The following IGSF5 variants were observed in gnomAD, a reference collection of about 807,000 sequenced individuals.
IGSF5 encodes the protein immunoglobulin superfamily 5 like.
In IGSF5, 41 loss-of-function variants were observed where a neutral mutation model predicts 39.4. The ratio of observed to expected loss-of-function variants is 1.04; its 90% CI spans 0.81 to 1.35. IGSF5 has a LOEUF of 1.35. Ranked by LOEUF, IGSF5 falls within the 40% of genes most tolerant of loss-of-function variation. The probability of loss-of-function intolerance (pLI) is 0.00; values close to 1 mark genes in which losing one functional copy is unlikely to be tolerated. For synonymous variants in IGSF5, 183 were observed against 175.3 expected, an observed-to-expected ratio of 1.04 and a Z score of -0.34; for missense variants, 487 against 494.6, an observed-to-expected ratio of 0.98 and a Z score of 0.15.
chr21:39,731,582 G>A, the IGSF5 span, among the ~76,000 whole-genome samples: 1 of 152,222 alleles, frequency 6.6e-6, no homozygotes. Context: ...TTTGAAGCAG[G>A]AGGAGAATAG....
the IGSF5 span, among the ~76,000 whole-genome samples, chr21:39,726,965 C>G: frequency 2.0e-5 from 3 of 152,206 alleles, no homozygotes; most frequent in African/African-American, 7.2e-5. Context: ...GATGGCTCAG[C>G]AAAGTTGCCA....
intron 2 of IGSF5, among the ~76,000 whole-genome samples, chr21:39,764,409 C>T (rs1000110382): frequency 1.1e-4 from 17 of 152,130 alleles, no homozygotes; most frequent in Non-Finnish European, 4.4e-5. Context: ...GGCGTGATCT[C>T]GGCTCACTGC....
chr21:39,794,320 T>C (rs1210341107), intron 8 of IGSF5, among the ~76,000 whole-genome samples: 1 of 152,196 alleles, frequency 6.6e-6, no homozygotes, highest in African/African-American at 2.4e-5. Context: ...CTCTGTTAGA[T>C]GTCCACATGG....
chr21:39,730,314 T>C, the IGSF5 span: 1 of 152,268 alleles, frequency 6.6e-6, no homozygotes, highest in African/African-American at 2.4e-5. Context: ...ACATTGTCCT[T>C]AGTCACATTG....
At chr21:39,801,011 G>A (rs1219399546) in intron 8 of IGSF5, among the ~76,000 whole-genome samples, 2 of 152,228 alleles carry the variant, frequency 1.3e-5, no homozygotes, top group Admixed American at 1.3e-4. Flanking sequence ...ACAATGAGTC[G>A]TGGTAATTTG....
the IGSF5 span, among the ~76,000 whole-genome samples, chr21:39,725,623 T>C: frequency 1.3e-5 from 2 of 152,202 alleles, no homozygotes; most frequent in Non-Finnish European, 2.9e-5. Context: ...CTATAAAACC[T>C]GACTTTGAAG....
At chr21:39,750,463 G>A (rs563984959) in intron 2 of IGSF5, among the ~76,000 whole-genome samples, 3 of 147,638 alleles carry the variant, frequency 2.0e-5, no homozygotes, top group Admixed American at 1.4e-4. Flanking sequence ...ACCTATGATC[G>A]TGCCACTGCA....
chr21:39,752,522 A>G (rs1047772757), intron 2 of IGSF5, among the ~76,000 whole-genome samples: 1 of 152,224 alleles, frequency 6.6e-6, no homozygotes, highest in African/African-American at 2.4e-5. Context: ...TCCTTTGGGT[A>G]GATACCCAGT....
intron 5 of IGSF5, among the ~76,000 whole-genome samples, chr21:39,784,479 A>G (rs2080186818): frequency 1.3e-5 from 2 of 152,326 alleles, no homozygotes; most frequent in Admixed American, 1.3e-4. Context: ...ACAGAATGGG[A>G]ATAAATACTA....
chr21:39,763,484 G>T (rs1175731033), intron 2 of IGSF5, among the ~76,000 whole-genome samples: 11 of 152,294 alleles, frequency 7.2e-5, no homozygotes, highest in Non-Finnish European at 1.5e-4. Context: ...GGGTTATTTG[G>T]CCTGCACAGA....
At chr21:39,783,475 T>C (rs1266187143) in intron 5 of IGSF5, among the ~76,000 whole-genome samples, 1 of 152,190 alleles carries the variant, frequency 6.6e-6, no homozygotes, top group African/African-American at 2.4e-5. Flanking sequence ...TGATGTTGAA[T>C]GTTTTTTCAT....
chr21:39,746,793 T>C (rs1294496336), intron 2 of IGSF5, among the ~76,000 whole-genome samples: 1 of 152,174 alleles, frequency 6.6e-6, no homozygotes, highest in East Asian at 1.9e-4. Flanking sequence ...TTGTTATCAT[T>C]ATTATTATTA....
chr21:39,775,976 C>T (rs1250610943), intron 4 of IGSF5, among the ~76,000 whole-genome samples: 2 of 152,130 alleles, frequency 1.3e-5, no homozygotes, highest in African/African-American at 2.4e-5. Context: ...CTCCCTGTGC[C>T]ATTTACTTAG....
At chr21:39,742,412 C>T (rs554134364), upstream of IGSF5, among the ~76,000 whole-genome samples, 22 of 152,262 alleles carry the variant, frequency 1.4e-4, no homozygotes, top group South Asian at 4.1e-4. Flanking sequence ...CTGAGAAGGC[C>T]GCACCGGCGT....
the IGSF5 span, among the ~76,000 whole-genome samples, chr21:39,733,122 A>T: frequency 6.6e-6 from 1 of 152,146 alleles, no homozygotes; most frequent in African/African-American, 2.4e-5. Flanking sequence ...ATAAAAGAAA[A>T]CAATAACCCT....
chr21:39,724,014 C>A, the IGSF5 span, among the ~76,000 whole-genome samples: 4 of 151,392 alleles, frequency 2.6e-5, no homozygotes, highest in African/African-American at 9.7e-5. Context: ...TGTGGTGAGA[C>A]AAGATTGCGC....
the IGSF5 span, among the ~76,000 whole-genome samples, chr21:39,713,379 G>A: frequency 2.0e-5 from 3 of 152,226 alleles, no homozygotes; most frequent in African/African-American, 4.8e-5. Flanking sequence ...TGGCTGCATG[G>A]TCCTTGTTGC....
At chr21:39,712,581 C>T in the IGSF5 span, among the ~76,000 whole-genome samples, 1 of 152,204 alleles carries the variant, frequency 6.6e-6, no homozygotes, top group Non-Finnish European at 1.5e-5. Context: ...GTAGCTAGAT[C>T]AGCCTTGGTG....
chr21:39,790,188 A>G (rs1225105790), intron 6 of IGSF5, among the ~76,000 whole-genome samples: 2 of 152,182 alleles, frequency 1.3e-5, no homozygotes, highest in Non-Finnish European at 2.9e-5. Flanking sequence ...CATTTTGTGT[A>G]TACTCATTTA....
Sources: gnomAD v4.1 joint callset for allele counts (sites outside exome capture counted in the v4.1 genomes callset) on GRCh38, gnomAD v4.1.1 for gene constraint, MANE v1.5 for transcripts, NCBI Gene and HGNC (gene_info 2026-07-23, HGNC 2026-07-21) for gene names.